Variants in FASTKD1 observed in about 807,000 individuals in gnomAD.
FASTKD1 encodes FAST kinase domain-containing protein 1, mitochondrial.
Under a neutral mutation model 90.9 loss-of-function variants are expected in FASTKD1, and 94 were observed. That is an observed-to-expected ratio of 1.03 (90% CI 0.88 to 1.23). FASTKD1 has a LOEUF of 1.23. Among genes scored for constraint, FASTKD1 ranks in the 50% most tolerant of loss-of-function variants. The pLI is 0.00. For synonymous variants in FASTKD1, 319 were observed against 345.8 expected (o/e 0.92, Z 0.86); for missense variants, 945 against 993.5 (o/e 0.95, Z 0.66).
rs151147893 is a variant in FASTKD1 at position 169,546,602 on chromosome 2, A to G, written c.1317T>C (p.Ile439=). The change falls in exon 8 of 15, where the codon ATT becomes ATC. Residue 439 remains isoleucine (I), a synonymous_variant. Coordinates refer to ENST00000453153, the MANE Select transcript of FASTKD1 (RefSeq NM_024622.6). ...GGTCACACTGTGGTAAAACGGCTTC[A>G]ATTCGGGATATCCCCACTTCGTCCA... ...PHLDEVGISR[I]EAVLPQCDLN... 3.7e-6 allele frequency: 6 copies of G among 1,614,096 alleles called. No homozygotes were observed. The African/African-American group carries it at 8.0e-5, about 22-fold the overall frequency.
Position 169,572,134 on chromosome 2 carries a change from C to T in FASTKD1, c.-105G>A. 4 of 1,389,054 alleles carry T rather than the reference C, an allele frequency of 2.9e-6. No homozygotes were observed. The South Asian group carries it at 4.5e-5, about 16-fold the overall frequency. The allele number at this position is 1,389,054 out of a possible 1,614,324, so 86.0% of individuals were successfully genotyped here. A position where few individuals can be genotyped will look rare whatever the true frequency, so the allele number is the denominator to read the frequency against. On this transcript the variant is annotated 5_prime_UTR_variant, in exon 2 of 15. It removes an upstream start codon present in the reference 5' UTR. Coordinates refer to ENST00000453153, the MANE Select transcript of FASTKD1 (RefSeq NM_024622.6). ...GTTTTTCCTTCATGTATTTTGCTTCCATTACAATGACTGTAAACGCATTCC... is the reference window on the plus strand; with the variant it reads ...GTTTTTCCTTCATGTATTTTGCTTCTATTACAATGACTGTAAACGCATTCC...
chr2:169,540,284 C>A lies in FASTKD1; in HGVS notation c.1817-105G>T. 2.7e-6 allele frequency: 3 copies of A among 1,093,736 alleles called. No homozygotes were observed. In the South Asian group the frequency reaches 5.9e-5, roughly 22 times the overall value. 67.8% of individuals were successfully genotyped at this position (1,093,736 alleles called of 1,614,324 possible). ...GGTTTTTAAAAAAAAGATACACAGC[C>A]TTGACAAAACTAATCTACACTGTTA... On this transcript the variant is annotated intron_variant, in intron 9 of 14. Transcript: ENST00000453153.
intron 11 of FASTKD1, 24 bp downstream of exon 11, chr2:169,537,989 A>G (rs768532816): frequency 6.3e-7 from 1 of 1,577,994 alleles, no homozygotes; most frequent in Admixed American, 2.0e-5. Context: ...AAACTTTGCT[A>G]TCTGACTAAA....
chr2:169,558,692 C>A (rs1196508579), intron 5 of FASTKD1, among the ~76,000 whole-genome samples: 2 of 151,930 alleles, frequency 1.3e-5, no homozygotes, highest in Non-Finnish European at 2.9e-5. Flanking sequence ...CTCAAGTGAT[C>A]CAACCGCCTC....
chr2:169,566,211 C>T (rs2592785), intron 3 of FASTKD1, among the ~76,000 whole-genome samples: 134,902 of 152,166 alleles, frequency 0.89, 59,993 homozygotes, highest in East Asian at 0.98. Flanking sequence ...TGTGCCACCA[C>T]GCCCAGCTGG....
intron 13 of FASTKD1, 78 bp from the exon 14 acceptor site, chr2:169,530,779 T>C (rs1204984386): frequency 3.9e-6 from 3 of 775,040 alleles, no homozygotes; most frequent in East Asian, 2.6e-5. Flanking sequence ...AGAAACAAGA[T>C]TGCATCTTTA....
rs1344701324 is a variant in FASTKD1, at chr2:169,546,226, T to C, written c.1693A>G (p.Ile565Val). The part of the protein sequence containing the change: ...DRIASVAVQQ[I>V]EKIHPFTIPA... ...TACCATTTAAATTTCACCTTTTCAATCTGCTGAACAGCCACTGAGGCTATC... is the reference window on the plus strand; with the variant it reads ...TACCATTTAAATTTCACCTTTTCAACCTGCTGAACAGCCACTGAGGCTATC... Residue 565 changes from isoleucine to valine, a missense_variant, in exon 8 of 15, where the codon ATT becomes GTT. Coordinates refer to ENST00000453153, the MANE Select transcript of FASTKD1 (RefSeq NM_024622.6). The C allele has an allele frequency of 1.3e-6, 2 of 1,545,296 alleles. No homozygotes were observed. Among genetic ancestry groups the C allele is most frequent in the Non-Finnish European group, 1.7e-6 (2 of 1,147,492 alleles).
In FASTKD1 at chr2:169,571,698, A is replaced by G; in HGVS notation, c.332T>C (p.Leu111Ser). 6.2e-7 allele frequency: 1 copy of G among 1,611,504 alleles called. No individual in the cohort carries two copies. Among genetic ancestry groups the G allele is most frequent in the Non-Finnish European group, 8.5e-7 (1 of 1,177,832 alleles). The stretch of plus-strand genomic sequence containing the variant: ...ATTCACCAGGGTATCGTCATTCATT[A>G]ATTTGAATTTATTTGTAGCTAAATT... ...LHNLATNKFK[L>S]MNDDTLVNVL... is the part of the protein sequence containing the mutation. Residue 111 changes from leucine to serine, a missense_variant, in exon 2 of 15, where the codon TTA (leucine) becomes TCA (serine). Leu to Ser is a moderately radical substitution (Grantham distance 145, BLOSUM62 -2). Transcript: ENST00000453153.
At chr2:169,570,316 CT>C (rs1402215850) in intron 2 of FASTKD1, among the ~76,000 whole-genome samples, 1 of 152,050 alleles carries the variant, frequency 6.6e-6, no homozygotes, top group East Asian at 1.9e-4. Context: ...CAACATATTT[CT>C]TTTTATTTTT....
At chr2:169,545,325 A>G (rs1467779398) in intron 8 of FASTKD1, among the ~76,000 whole-genome samples, 1 of 152,268 alleles carries the variant, frequency 6.6e-6, no homozygotes, top group East Asian at 1.9e-4. Context: ...TACATTTTAT[A>G]GAATAATCAT....
At chr2:169,563,898 A>G (rs1683833417) in intron 3 of FASTKD1, among the ~76,000 whole-genome samples, 1 of 152,218 alleles carries the variant, frequency 6.6e-6, no homozygotes, top group Non-Finnish European at 1.5e-5. Flanking sequence ...ATCATACAAC[A>G]TAATGGATAA....
At chr2:169,557,062 A>C (rs1683352913) in intron 6 of FASTKD1, 125 bp downstream of exon 6, 1 of 673,520 alleles carries the variant, frequency 1.5e-6, no homozygotes, top group African/African-American at 1.9e-5. Context: ...ACAGTGGCTT[A>C]AGCATTAATT....
At chr2:169,537,682 G>A (rs1037660662) in intron 11 of FASTKD1, among the ~76,000 whole-genome samples, 4 of 151,750 alleles carry the variant, frequency 2.6e-5, no homozygotes, top group Admixed American at 6.6e-5. Context: ...CACCGCGCCC[G>A]GACTTAATCA....
intron 5 of FASTKD1, among the ~76,000 whole-genome samples, chr2:169,559,250 G>A (rs1033566547): frequency 1.3e-5 from 2 of 151,894 alleles, no homozygotes; most frequent in Non-Finnish European, 2.9e-5. Flanking sequence ...TGGGATTACA[G>A]GCATGATCCA....
At chr2:169,568,998 CAAA>C (rs374268347) in intron 3 of FASTKD1, among the ~76,000 whole-genome samples, 183 bp downstream of exon 3, 8 of 104,792 alleles carry the variant, frequency 7.6e-5, no homozygotes, top group South Asian at 5.6e-4. Flanking sequence ...GACTCCATCT[CAAA>C]AAAAAAAAAA....
At chr2:169,538,217 T>C in intron 10 of FASTKD1, 76 bp from the exon 11 acceptor site, 1 of 1,207,050 alleles carries the variant, frequency 8.3e-7, no homozygotes, top group Non-Finnish European at 1.2e-6. Flanking sequence ...CACATTCATT[T>C]ATCCCCACTA....
chr2:169,556,805 C>T (rs1683340820), intron 6 of FASTKD1, among the ~76,000 whole-genome samples: 1 of 151,426 alleles, frequency 6.6e-6, no homozygotes, highest in Non-Finnish European at 1.5e-5. Flanking sequence ...CAAGCCTGGG[C>T]AACAGAGCAA....
intron 10 of FASTKD1, 54 bp from the exon 11 acceptor site, chr2:169,538,195 A>G: frequency 6.7e-7 from 1 of 1,496,474 alleles, no homozygotes; most frequent in Non-Finnish European, 9.0e-7. Context: ...AGGAAAGACA[A>G]CCCATTTTTT....
chr2:169,546,178 G>T, intron 8 of FASTKD1, 40 bp downstream of exon 8: 1 of 1,503,708 alleles, frequency 6.7e-7, no homozygotes, highest in South Asian at 1.4e-5. Context: ...TGCAGAAGTT[G>T]ACAACTCTAT....
Sources: allele counts gnomAD v4.1 joint callset (sites outside exome capture counted in the v4.1 genomes callset), GRCh38; gene constraint gnomAD v4.1.1; transcripts MANE v1.5; gene names NCBI Gene and HGNC (gene_info 2026-07-23, HGNC 2026-07-21).